The following GPR4 variants were observed in gnomAD, a reference collection of about 807,000 sequenced individuals.
GPR4 encodes G-prodeshotein coupled receptor 4.
GPR4 carries 11 observed loss-of-function variants against 17.8 expected under a neutral mutation model. The observed-to-expected ratio is 0.62, with a 90% CI of 0.39 to 1.02. GPR4 has a LOEUF of 1.02. Ranked by LOEUF, GPR4 falls within the 50% of genes least tolerant of loss-of-function variation. The probability of loss-of-function intolerance (pLI) is 0.00; values close to 1 mark genes in which losing one functional copy is unlikely to be tolerated. For synonymous variants in GPR4, 219 were observed against 222.8 expected (o/e 0.98, Z 0.15); for missense variants, 364 against 495.4 (o/e 0.73, Z 2.52).
chr19:45,596,583 G>T (rs998022542), intron 1 of GPR4, among the ~76,000 whole-genome samples: 25 of 151,618 alleles, frequency 1.6e-4, no homozygotes, highest in Non-Finnish European at 3.1e-4. Flanking sequence ...TTGAGACAGG[G>T]TCTCACTCTG....
Position 45,591,180 on chromosome 19 carries a change from G to A in GPR4, c.687C>T (p.Leu229=). ...CAAAGCAGACCAGCACGATGGCGAT[G>A]AGGCTGAGGGCCAGCCGCTTGATCT... ...KAKIKRLALS[L]IAIVLVCFAP... is the part of the protein sequence containing the mutation. Residue 229 remains leucine (L), a synonymous_variant, in exon 2 of 2, where the codon CTC becomes CTT. Transcript: ENST00000323040. This position sits in a 1 kb window ranked among gnomAD's most constrained non-coding sequence, Gnocchi z 7.6. 1 of 1,613,572 alleles carries A rather than the reference G, an allele frequency of 6.2e-7. No individual in the cohort carries two copies. The highest frequency in any genetic ancestry group is 8.5e-7 in the Non-Finnish European group (1 of 1,180,004).
chr19:45,591,899 T>C lies in GPR4; in HGVS notation c.-33A>G. The C allele has an allele frequency of 6.5e-7, 1 of 1,530,526 alleles. No individual in the cohort carries two copies. 94.8% of individuals were successfully genotyped at this position (1,530,526 alleles called of 1,614,324 possible). A position where few individuals can be genotyped will look rare whatever the true frequency, so the allele number is the denominator to read the frequency against. On this transcript the variant is annotated 5_prime_UTR_variant, in exon 2 of 2. Transcript: ENST00000323040. The surrounding 1 kb of genome is among the most constrained non-coding windows in gnomAD (Gnocchi z 7.6). ...ACTTCGGCTTCTGGGGCGCTTCCCC[T>C]GGCCCACGGGGGCTGTGGGGCCACA... is the stretch of plus-strand genomic sequence containing the variant.
intron 1 of GPR4, chr19:45,599,821 A>G (rs997352321): frequency 6.6e-6 from 1 of 152,160 alleles, no homozygotes; most frequent in African/African-American, 2.4e-5. Context: ...TACCTACCCT[A>G]AGTTTCCAAT....
At chr19:45,596,190 C>G (rs926389108) in intron 1 of GPR4, among the ~76,000 whole-genome samples, 1 of 148,248 alleles carries the variant, frequency 6.7e-6, no homozygotes, top group South Asian at 2.1e-4. Context: ...AAAGATCTTT[C>G]TTTTCTTTTC....
At position 45,599,557 on chromosome 19, in the gene GPR4, G is replaced by T. The variant is rs183968327; in HGVS notation, c.-832+2538C>A. ...CCTGGCGGCCGGCGGAAACCAGGGGGCAATCGGGCTACCCTAACGGCCCCA... is the reference window on the plus strand; with the variant it reads ...CCTGGCGGCCGGCGGAAACCAGGGGTCAATCGGGCTACCCTAACGGCCCCA... On this transcript the variant is annotated intron_variant, in intron 1 of 1. Coordinates refer to ENST00000323040, the MANE Select transcript of GPR4 (RefSeq NM_005282.3). 260 of 152,392 alleles carry T rather than the reference G, an allele frequency of 1.7e-3. 4 individuals are homozygous for T. The highest frequency in any genetic ancestry group is 4.8e-4 in the Non-Finnish European group (33 of 68,182). The allele number at this position is 152,392 out of a possible 1,614,324, so 9.4% of individuals were successfully genotyped here. A position where few individuals can be genotyped will look rare whatever the true frequency, so the allele number is the denominator to read the frequency against.
chr19:45,592,855 T>C (rs1970012777), intron 1 of GPR4, among the ~76,000 whole-genome samples, 158 bp from the exon 2 acceptor site: 1 of 151,956 alleles, frequency 6.6e-6, no homozygotes, highest in South Asian at 2.1e-4. Flanking sequence ...AAACACAGAT[T>C]TGAGGTGTCA....
intron 1 of GPR4, among the ~76,000 whole-genome samples, chr19:45,595,201 G>A (rs1358801379): frequency 4.0e-5 from 6 of 149,758 alleles, no homozygotes; most frequent in South Asian, 2.1e-4. Context: ...GCTTGAACCC[G>A]GGAGGCAGAG....
In GPR4 at chr19:45,590,918, C is replaced by T; in HGVS notation, c.949G>A (p.Ala317Thr). 6.2e-7 allele frequency: 1 copy of T among 1,614,122 alleles called. No individual in the cohort carries two copies. The highest frequency in any genetic ancestry group is 1.1e-5 in the South Asian group (1 of 91,082). The change falls in exon 2 of 2, where the codon GCC becomes ACC. Residue 317 changes from alanine (A) to threonine (T), a missense_variant. Transcript: ENST00000323040. ...FLASDKPQEM[A>T]NASLTLETPL... ...GTCTCCAGGGTGAGCGAGGCATTGGCCATCTCCTGGGGCTTGTCGCTGGCC... is the reference window on the plus strand; with the variant it reads ...GTCTCCAGGGTGAGCGAGGCATTGGTCATCTCCTGGGGCTTGTCGCTGGCC...
At position 45,591,531 on chromosome 19, in the gene GPR4, C is replaced by G. The variant is rs765434937; in HGVS notation, c.336G>C (p.Ser112=). 1 of 1,613,806 alleles carries G rather than the reference C, an allele frequency of 6.2e-7. No homozygotes were observed. The highest frequency in any genetic ancestry group is 8.5e-7 in the Non-Finnish European group (1 of 1,179,974). The change falls in exon 2 of 2, where the codon TCG becomes TCC. Residue 112 remains serine (S), a synonymous_variant. Transcript: ENST00000323040. This position sits in a 1 kb window ranked among gnomAD's most constrained non-coding sequence, Gnocchi z 7.6. ...GGGCCACAGCCAGGTAGCGGTCCACCGAGATGCAGCACAGGAAGGCGATGC... is the reference window on the plus strand; with the variant it reads ...GGGCCACAGCCAGGTAGCGGTCCACGGAGATGCAGCACAGGAAGGCGATGC... ...YISIAFLCCI[S]VDRYLAVAHP... is the part of the protein sequence containing the mutation.
chr19:45,601,549 G>C (rs1315664368), intron 1 of GPR4, among the ~76,000 whole-genome samples: 1 of 152,158 alleles, frequency 6.6e-6, no homozygotes, highest in East Asian at 1.9e-4. Flanking sequence ...TCCCAGCCCA[G>C]AGGAAAGTTC....
intron 1 of GPR4, among the ~76,000 whole-genome samples, chr19:45,596,384 T>C (rs1970059069): frequency 6.6e-6 from 1 of 152,088 alleles, no homozygotes; most frequent in South Asian, 2.1e-4. Flanking sequence ...TTTGTATTTT[T>C]AGTAGAGACA....
rs761612113 is a variant in GPR4, at chr19:45,591,828, C to T, written c.39G>A (p.Ser13=). 4 of 1,587,322 alleles carry T rather than the reference C, an allele frequency of 2.5e-6. No individual in the cohort carries two copies. The highest frequency in any genetic ancestry group is 3.4e-6 in the Non-Finnish European group (4 of 1,163,038). Residue 13 remains serine (S), a synonymous_variant, in exon 2 of 2, where the codon TCG becomes TCA. Transcript: ENST00000323040. This position sits in a 1 kb window ranked among gnomAD's most constrained non-coding sequence, Gnocchi z 7.6. ...ATGGCGGAAAGAGGTGGTCCACGCG[C>T]GAGTCCACGTGGCAGCCCTCCCACG... ...NHTWEGCHVD[S]RVDHLFPPSL...
chr19:45,598,595 C>T (rs1970081899), intron 1 of GPR4, among the ~76,000 whole-genome samples: 1 of 152,144 alleles, frequency 6.6e-6, no homozygotes, highest in Non-Finnish European at 1.5e-5. Context: ...TCTTCTTCCC[C>T]ACGTGAGATC....
In GPR4 at chr19:45,591,457, A is replaced by G. The variant is rs757428926; in HGVS notation, c.410T>C (p.Val137Ala). 18 of 1,607,812 alleles carry G rather than the reference A, an allele frequency of 1.1e-5. No homozygotes were observed. The highest frequency in any genetic ancestry group is 1.5e-5 in the Non-Finnish European group (18 of 1,178,284). ...RLRRVKTAVA[V>A]SSVVWATELG... is the part of the protein sequence containing the mutation. ...CTCCGTGGCCCAGACCACGGAGCTCACGGCCACGGCGGTCTTGACGCGGCG... is the reference window on the plus strand; with the variant it reads ...CTCCGTGGCCCAGACCACGGAGCTCGCGGCCACGGCGGTCTTGACGCGGCG... The change falls in exon 2 of 2, where the codon GTG becomes GCG. Residue 137 changes from valine (V) to alanine (A), a missense_variant. Transcript: ENST00000323040. This position sits in a 1 kb window ranked among gnomAD's most constrained non-coding sequence, Gnocchi z 7.6.
Position 45,590,524 on chromosome 19 carries a change from A to G in GPR4, c.*254T>C. On this transcript the variant is annotated 3_prime_UTR_variant, in exon 2 of 2. Transcript: ENST00000323040. Reference sequence around the variant, plus strand: ...TACTGCACTCCAGCCTGGGCAACACAGTGAGACCCTGTCTCCAAAAAAATA... The same window carrying G: ...TACTGCACTCCAGCCTGGGCAACACGGTGAGACCCTGTCTCCAAAAAAATA... The G allele has an allele frequency of 2.2e-6, 1 of 453,926 alleles. No homozygotes were observed. The highest frequency in any genetic ancestry group is 3.9e-6 in the Non-Finnish European group (1 of 255,976). 28.1% of individuals were successfully genotyped at this position (453,926 alleles called of 1,614,324 possible).
In GPR4 at chr19:45,591,449, C is replaced by A. The variant is rs764232226; in HGVS notation, c.418G>T (p.Val140Leu). The change falls in exon 2 of 2, where the codon GTG becomes TTG. Residue 140 changes from valine to leucine, a missense_variant. By Grantham distance (32) the Val-to-Leu change is conservative. Coordinates refer to ENST00000323040, the MANE Select transcript of GPR4 (RefSeq NM_005282.3). The surrounding 1 kb of genome is among the most constrained non-coding windows in gnomAD (Gnocchi z 7.6). ...RVKTAVAVSS[V>L]VWATELGANS... ...GCGCCCAGCTCCGTGGCCCAGACCA[C>A]GGAGCTCACGGCCACGGCGGTCTTG... The A allele has an allele frequency of 4.4e-6, 7 of 1,606,916 alleles. No individual in the cohort carries two copies. In the Admixed American group the frequency reaches 1.1e-4, roughly 24 times the overall value.
At chr19:45,596,879 A>G (rs901924393) in intron 1 of GPR4, among the ~76,000 whole-genome samples, 4 of 151,910 alleles carry the variant, frequency 2.6e-5, no homozygotes, top group South Asian at 2.1e-4. Context: ...AAACCCTCCA[A>G]TGGCTTCTGA....
chr19:45,591,763 TTGG>T lies in GPR4; in HGVS notation c.101_103del (p.Thr34del). 6.2e-7 allele frequency: 1 copy of T among 1,613,652 alleles called. No individual in the cohort carries two copies. Among genetic ancestry groups the T allele is most frequent in the Non-Finnish European group, 8.5e-7 (1 of 1,179,888 alleles). On this transcript the variant is annotated inframe_deletion, in exon 2 of 2. Coordinates refer to ENST00000323040, the MANE Select transcript of GPR4 (RefSeq NM_005282.3). This position sits in a 1 kb window ranked among gnomAD's most constrained non-coding sequence, Gnocchi z 7.6. ...GTAGGCCGCCCACAGAGCCAGGCAG[TTGG>T]TGGGCAGCCCCACGCCGATGACAAA...
intron 1 of GPR4, among the ~76,000 whole-genome samples, chr19:45,600,020 G>A (rs1370848820): frequency 6.6e-6 from 1 of 152,152 alleles, no homozygotes; most frequent in Non-Finnish European, 1.5e-5. Flanking sequence ...TAAATACGGT[G>A]AGCCCCACTT....
Sources: allele counts gnomAD v4.1 joint callset (sites outside exome capture counted in the v4.1 genomes callset), GRCh38; gene constraint gnomAD v4.1.1; non-coding constraint Gnocchi (gnomAD v3.1); transcripts MANE v1.5; gene names NCBI Gene and HGNC (gene_info 2026-07-23, HGNC 2026-07-21).